MIA2: variants seen among roughly 807,000 people sequenced by gnomAD.
MIA2 encodes MIA SH3 domain ER export factor 2, also known as melanoma inhibitory activity protein 2.
A neutral mutation model predicts 167.8 loss-of-function variants in MIA2; 127 were observed. The observed-to-expected ratio is 0.76, with a 90% CI of 0.66 to 0.88. MIA2 has a LOEUF of 0.88. MIA2 is among the 40% of genes least tolerant of loss of function. MIA2 has a pLI of 0.00. For synonymous variants in MIA2, 552 were observed against 541.9 expected, an observed-to-expected ratio of 1.02 and a Z score of -0.26; for missense variants, 1,690 against 1,624.7, an observed-to-expected ratio of 1.04 and a Z score of -0.69.
At chr14:39,291,165 T>A in intron 10 of MIA2, 69 bp downstream of exon 10, 1 of 1,356,264 alleles carries the variant, frequency 7.4e-7, no homozygotes, top group South Asian at 1.4e-5. Context: ...ACTTTAAAAA[T>A]GTATCTTCTG....
rs547474526 is a variant in MIA2 at position 39,277,436 on chromosome 14, G to A, written c.2019+371G>A. 5.9e-5 allele frequency among the ~76,000 whole-genome samples: 9 copies of A among 151,656 alleles called. No individual in the cohort carries two copies. The South Asian group carries it at 1.9e-3, about 32-fold the overall frequency. On this transcript the variant is annotated intron_variant, in intron 7 of 28. Transcript: ENST00000640607. Reference sequence around the variant, plus strand: ...GGCTACTCAGGAGGCTGAGGTGGGAGGATTGCCTGATCCTGGGAAGTCGAT... The same window carrying A: ...GGCTACTCAGGAGGCTGAGGTGGGAAGATTGCCTGATCCTGGGAAGTCGAT...
chr14:39,306,610 G>C (rs1165750522), intron 17 of MIA2, among the ~76,000 whole-genome samples: 3 of 152,164 alleles, frequency 2.0e-5, no homozygotes, highest in Admixed American at 1.3e-4. Flanking sequence ...GTTGGATGGG[G>C]ACACAAAGCC....
intron 23 of MIA2, among the ~76,000 whole-genome samples, chr14:39,356,646 G>T (rs1045388980): frequency 2.0e-5 from 3 of 152,080 alleles, no homozygotes; most frequent in Admixed American, 6.6e-5. Context: ...TGATATTAGG[G>T]TGTCAATTTT....
At chr14:39,346,130 T>A in intron 26 of MIA2, 104 bp downstream of exon 26, 1 of 898,464 alleles carries the variant, frequency 1.1e-6, no homozygotes, top group Non-Finnish European at 1.8e-6. Context: ...TAGTAGTTCC[T>A]AAGGCCAAAA....
intron 6 of MIA2, among the ~76,000 whole-genome samples, chr14:39,257,999 C>T (rs1168674007): frequency 6.6e-6 from 1 of 152,180 alleles, no homozygotes; most frequent in Admixed American, 6.5e-5. Flanking sequence ...TGACCTTTCC[C>T]TCTGGCTGTC....
chr14:39,284,973 A>G (rs2059417549), intron 9 of MIA2, among the ~76,000 whole-genome samples: 1 of 152,168 alleles, frequency 6.6e-6, no homozygotes, highest in Non-Finnish European at 1.5e-5. Context: ...TGCTGCCTTC[A>G]AGCATCTGTT....
At chr14:39,259,282 G>C (rs2054966577) in intron 6 of MIA2, among the ~76,000 whole-genome samples, 1 of 152,194 alleles carries the variant, frequency 6.6e-6, no homozygotes, top group Non-Finnish European at 1.5e-5. Flanking sequence ...CTTTCCTTCA[G>C]AGATGCCCTG....
chr14:39,335,969 G>A (rs552876357), intron 25 of MIA2, among the ~76,000 whole-genome samples: 1 of 152,190 alleles, frequency 6.6e-6, no homozygotes, highest in Admixed American at 6.5e-5. Flanking sequence ...GTATTCTATG[G>A]TGTATATGTA....
At chr14:39,245,261 A>C (rs1466296785) in intron 3 of MIA2, among the ~76,000 whole-genome samples, 1 of 151,958 alleles carries the variant, frequency 6.6e-6, no homozygotes, top group African/African-American at 2.4e-5. Context: ...ACTTTTAACA[A>C]GGTTTTCATG....
At chr14:39,292,157 C>A (rs1357903137) in intron 10 of MIA2, among the ~76,000 whole-genome samples, 3 of 152,170 alleles carry the variant, frequency 2.0e-5, no homozygotes, top group Non-Finnish European at 4.4e-5. Context: ...TATTTGCTAA[C>A]CCTCTGTCTT....
At chr14:39,294,159 G>A in intron 12 of MIA2, 88 bp downstream of exon 12, 1 of 920,954 alleles carries the variant, frequency 1.1e-6, no homozygotes, top group Non-Finnish European at 1.7e-6. Flanking sequence ...CACAATAGTA[G>A]GATTTGAGAT....
intron 18 of MIA2, among the ~76,000 whole-genome samples, chr14:39,310,970 A>G (rs2152926195): frequency 6.6e-6 from 1 of 152,354 alleles, no homozygotes; most frequent in South Asian, 2.1e-4. Flanking sequence ...TATTAAAGTA[A>G]AACTTGGATA....
intron 7 of MIA2, 61 bp from the exon 8 acceptor site, chr14:39,279,271 TAAATG>T: frequency 7.1e-7 from 1 of 1,402,828 alleles, no homozygotes. Flanking sequence ...CAGTAGACGT[TAAATG>T]AATTGATTTA....
At position 39,252,936 on chromosome 14, in the gene MIA2, T is replaced by G. The variant is rs753923189; in HGVS notation, c.1756T>G (p.Leu586Val). 19 of 1,611,238 alleles carry G rather than the reference T, an allele frequency of 1.2e-5. No individual in the cohort carries two copies. Among genetic ancestry groups the G allele is most frequent in the Non-Finnish European group, 1.6e-5 (19 of 1,178,502 alleles). The change falls in exon 5 of 29, where the codon TTG (leucine) becomes GTG (valine). Residue 586 changes from leucine (L) to valine (V), a missense_variant. By Grantham distance (32) the Leu-to-Val change is conservative. Transcript: ENST00000640607. ...TCAGATGGTTTCAACTGATAACTCT[T>G]TGTCTTCTCAAAATTATATTTCTCA... is the stretch of plus-strand genomic sequence containing the variant. ...NSQMVSTDNS[L>V]SSQNYISQKE...
rs1279269772 is a variant in MIA2, at chr14:39,302,679, G to C, written c.2740+430G>C. ...TTCAGATGGTTACAGTACTTTTAAT[G>C]TTAGCCATTCAAATTATTATTGCCA... On this transcript the variant is annotated intron_variant, in intron 15 of 28. Coordinates refer to ENST00000640607, the MANE Select transcript of MIA2 (RefSeq NM_001329214.4). Among the ~76,000 whole-genome samples, 37 of 152,070 alleles carry C rather than the reference G, an allele frequency of 2.4e-4. 1 individual carries two copies. The highest frequency in any genetic ancestry group is 2.4e-3 in the Admixed American group (37 of 15,256).
chr14:39,268,334 G>T (rs1044301937), intron 6 of MIA2, among the ~76,000 whole-genome samples: 2 of 152,066 alleles, frequency 1.3e-5, no homozygotes, highest in African/African-American at 4.8e-5. Context: ...TTCATAGTTT[G>T]TCTAATGCAT....
At chr14:39,371,668 A>G (rs1386543264) in intron 23 of MIA2, among the ~76,000 whole-genome samples, 1 of 152,250 alleles carries the variant, frequency 6.6e-6, no homozygotes. Context: ...TAAGCATGTT[A>G]TACATTGTGT....
At chr14:39,362,135 T>C (rs2074695797) in intron 23 of MIA2, among the ~76,000 whole-genome samples, 1 of 152,228 alleles carries the variant, frequency 6.6e-6, no homozygotes, top group East Asian at 1.9e-4. Context: ...TCAGAGACAT[T>C]GGCCTATAGT....
chr14:39,367,747 G>A (rs1037716407), intron 23 of MIA2, among the ~76,000 whole-genome samples: 20 of 152,134 alleles, frequency 1.3e-4, no homozygotes, highest in African/African-American at 4.1e-4. Flanking sequence ...CTTTGTGGAG[G>A]AGGCAAATGT....
Sources: allele counts gnomAD v4.1 joint callset (sites outside exome capture counted in the v4.1 genomes callset), GRCh38; gene constraint gnomAD v4.1.1; transcripts MANE v1.5; gene names NCBI Gene and HGNC (gene_info 2026-07-23, HGNC 2026-07-21).